The following ENOX1 variants were observed in gnomAD, a reference collection of about 807,000 sequenced individuals.
ENOX1 encodes the protein ecto-NOX disulfide-thiol exchanger 1, also known as candidate growth-related and time keeping constitutive hydroquinone (NADH) oxidase.
In ENOX1, 42 loss-of-function variants were observed where a neutral mutation model predicts 82.5. The observed-to-expected ratio is 0.51, with a 90% confidence interval of 0.40 to 0.66. The LOEUF (loss-of-function observed/expected upper bound fraction) is 0.66, where lower values mean the gene tolerates loss of function less well. Among genes scored for constraint, ENOX1 ranks in the 30% least tolerant of loss-of-function variants. ENOX1 has a pLI of 0.00. For synonymous variants in ENOX1, 271 were observed against 282.2 expected, an observed-to-expected ratio of 0.96 and a Z score of 0.40; for missense variants, 608 against 811.6, an observed-to-expected ratio of 0.75 and a Z score of 3.05.
intron 1 of ENOX1, among the ~76,000 whole-genome samples, chr13:43,704,370 T>C (rs1300451428): frequency 6.6e-6 from 1 of 152,046 alleles, no homozygotes; most frequent in East Asian, 1.9e-4. Context: ...ACTAACACTT[T>C]GCTGAAAATA....
chr13:43,572,975 A>T (rs999605793), intron 2 of ENOX1, among the ~76,000 whole-genome samples: 6 of 152,206 alleles, frequency 3.9e-5, no homozygotes, highest in Non-Finnish European at 7.3e-5. Flanking sequence ...ACATATATAA[A>T]TTATGCATTC....
intron 2 of ENOX1, among the ~76,000 whole-genome samples, chr13:43,568,624 T>TA (rs1420321714): frequency 6.6e-6 from 1 of 151,208 alleles, no homozygotes; most frequent in African/African-American, 2.4e-5. Context: ...GAGGCATCCC[T>TA]AGCACAGTTA....
At chr13:43,546,444 G>A (rs945993804) in intron 2 of ENOX1, 1 of 152,456 alleles carries the variant, frequency 6.6e-6, no homozygotes, top group Non-Finnish European at 1.5e-5. Context: ...AGAGGTCACA[G>A]GGCAGAGCAG....
Position 43,428,559 on chromosome 13 carries a change from TTA to T in ENOX1, c.-74-15573_-74-15572del, listed in dbSNP as rs371481090. ...CAAAGTAGAAAGGCTGGTCCCAGCT[TTA>T]TATATAGAAAGGCTGGGAGGTGGAG... On this transcript the variant is annotated intron_variant, in intron 3 of 16. Coordinates refer to ENST00000690772, the MANE Select transcript of ENOX1 (RefSeq NM_001347969.2). Among the ~76,000 whole-genome samples the T allele has an allele frequency of 9.9e-4, 151 of 152,212 alleles. 2 individuals carry two copies. The East Asian group carries it at 0.024, about 24-fold the overall frequency.
At chr13:43,652,200 A>T (rs2084223183) in intron 2 of ENOX1, among the ~76,000 whole-genome samples, 1 of 152,234 alleles carries the variant, frequency 6.6e-6, no homozygotes, top group African/African-American at 2.4e-5. Flanking sequence ...TCAGGGGTGG[A>T]GGGGTGGAAG....
intron 9 of ENOX1, among the ~76,000 whole-genome samples, chr13:43,336,671 C>A (rs2048733247): frequency 6.6e-6 from 1 of 152,154 alleles, no homozygotes; most frequent in East Asian, 1.9e-4. Flanking sequence ...TGGTTGGGTC[C>A]TGGAAGATAC....
chr13:43,238,942 G>C (rs980920368), intron 14 of ENOX1, among the ~76,000 whole-genome samples: 1 of 152,064 alleles, frequency 6.6e-6, no homozygotes, highest in Non-Finnish European at 1.5e-5. Flanking sequence ...GAAAGGCAAG[G>C]GTGGAACAGA....
intron 2 of ENOX1, chr13:43,545,080 C>G (rs1343900580): frequency 1.3e-5 from 2 of 149,350 alleles, no homozygotes; most frequent in African/African-American, 4.9e-5. Flanking sequence ...CCCCAATTGG[C>G]CTCACTGGCA....
chr13:43,683,400 C>G (rs1473802873), intron 1 of ENOX1, among the ~76,000 whole-genome samples: 2 of 152,048 alleles, frequency 1.3e-5, no homozygotes, highest in Non-Finnish European at 2.9e-5. Flanking sequence ...AGATGCACTA[C>G]ACTAATGTAA....
At chr13:43,355,642 C>T (rs553833906) in intron 8 of ENOX1, among the ~76,000 whole-genome samples, 94 of 152,292 alleles carry the variant, frequency 6.2e-4, no homozygotes, top group Admixed American at 3.9e-3. Flanking sequence ...ACTGTACATA[C>T]ACTTTTATGG....
intron 15 of ENOX1, among the ~76,000 whole-genome samples, chr13:43,229,318 C>G (rs574954502): frequency 6.6e-6 from 1 of 152,172 alleles, no homozygotes; most frequent in African/African-American, 2.4e-5. Flanking sequence ...TTACGTGAAG[C>G]CCTCTCCCTG....
At chr13:43,729,479 TA>T (rs1041798120) in intron 1 of ENOX1, among the ~76,000 whole-genome samples, 2 of 152,184 alleles carry the variant, frequency 1.3e-5, no homozygotes, top group African/African-American at 4.8e-5. Context: ...ATCTTAACAG[TA>T]ACCCACCAAG....
rs574046109 is a variant in ENOX1, at chr13:43,312,696, A to T, written c.1261+9688T>A. Among the ~76,000 whole-genome samples, 6 of 152,190 alleles carry T rather than the reference A, an allele frequency of 3.9e-5. No individual in the cohort carries two copies. The South Asian group carries it at 1.2e-3, about 32-fold the overall frequency. ...TTTCTTGTCTAAAGCCATACAGCAG[A>T]CTCTGCTTTCAGGAAATAAATGTCA... On this transcript the variant is annotated intron_variant, in intron 11 of 16. Coordinates refer to ENST00000690772, the MANE Select transcript of ENOX1 (RefSeq NM_001347969.2).
intron 2 of ENOX1, among the ~76,000 whole-genome samples, chr13:43,513,200 T>C (rs916968629): frequency 1.4e-4 from 21 of 151,960 alleles, no homozygotes; most frequent in Admixed American, 1.4e-3. Flanking sequence ...TCCCAGCTAC[T>C]AGGGAGGCTG....
chr13:43,505,386 C>A (rs1186486450), intron 2 of ENOX1, among the ~76,000 whole-genome samples: 2 of 151,866 alleles, frequency 1.3e-5, no homozygotes, highest in African/African-American at 4.8e-5. Flanking sequence ...AGGGAAACAA[C>A]CAGATTTCTA....
chr13:43,273,135 C>T (rs1320319193), intron 12 of ENOX1, among the ~76,000 whole-genome samples: 1 of 152,206 alleles, frequency 6.6e-6, no homozygotes, highest in Non-Finnish European at 1.5e-5. Flanking sequence ...CCCATTAGCA[C>T]ACCTACCCTT....
intron 2 of ENOX1, among the ~76,000 whole-genome samples, chr13:43,628,950 A>G (rs993938777): frequency 1.3e-5 from 2 of 152,192 alleles, no homozygotes; most frequent in African/African-American, 4.8e-5. Flanking sequence ...GGCAATGGTA[A>G]AAGTCCCAAG....
At chr13:43,223,430 T>G (rs1201824145) in intron 16 of ENOX1, among the ~76,000 whole-genome samples, 1 of 152,166 alleles carries the variant, frequency 6.6e-6, no homozygotes, top group Non-Finnish European at 1.5e-5. Flanking sequence ...CTCTTCTCTA[T>G]GGGTACACAA....
chr13:43,416,281 G>A (rs9567180), intron 3 of ENOX1, among the ~76,000 whole-genome samples: 1,774 of 105,024 alleles, frequency 0.017, no homozygotes, highest in Non-Finnish European at 0.024. Context: ...CAGACGGGGC[G>A]GCCGGGCAGA....
Sources: gnomAD v4.1 joint callset for allele counts (sites outside exome capture counted in the v4.1 genomes callset) on GRCh38, gnomAD v4.1.1 for gene constraint, MANE v1.5 for transcripts, NCBI Gene and HGNC (gene_info 2026-07-23, HGNC 2026-07-21) for gene names.